The following ZSWIM5 variants were observed in gnomAD, a reference collection of about 807,000 sequenced individuals.
ZSWIM5 encodes zinc finger SWIM-type containing 5, also known as zinc finger SWIM domain-containing protein 5.
A neutral mutation model predicts 119.6 loss-of-function variants in ZSWIM5; 55 were observed. The observed-to-expected ratio is 0.46, with a 90% CI of 0.37 to 0.58. The LOEUF (loss-of-function observed/expected upper bound fraction) is 0.58. ZSWIM5 is among the 20% of genes least tolerant of loss of function. The probability of loss-of-function intolerance (pLI) is 0.00; values close to 1 mark genes in which losing one functional copy is unlikely to be tolerated. For missense variants in ZSWIM5, 1,193 were observed against 1,512.8 expected (o/e 0.79, Z 3.51); for synonymous variants, 537 against 606.9 (o/e 0.88, Z 1.69).
chr1:45,167,488 T>G lies in ZSWIM5; in HGVS notation c.595+38268A>C, dbSNP rs529783100. Among the ~76,000 whole-genome samples, 127 of 151,896 alleles carry G rather than the reference T, an allele frequency of 8.4e-4. 1 individual carries two copies. The highest frequency in any genetic ancestry group is 3.4e-3 in the Middle Eastern group (1 of 294). On this transcript the variant is annotated intron_variant, in intron 1 of 13. Transcript: ENST00000359600. ...ATTGACAAATGGGATCTAATTAAAC[T>G]AAAGAGCTTCTGCACAGCAAAAGAA...
chr1:45,166,578 T>C (rs953921212), intron 1 of ZSWIM5, among the ~76,000 whole-genome samples: 6 of 152,102 alleles, frequency 3.9e-5, no homozygotes, highest in African/African-American at 1.4e-4. Context: ...CACCCCATCA[T>C]CTCAGCCCAA....
At chr1:45,109,971 C>G (rs1645507080) in intron 1 of ZSWIM5, among the ~76,000 whole-genome samples, 1 of 152,078 alleles carries the variant, frequency 6.6e-6, no homozygotes, top group Non-Finnish European at 1.5e-5. Context: ...CTCAAGCGAT[C>G]CTCCCGCCTC....
At chr1:45,117,620 C>T (rs1645566311) in intron 1 of ZSWIM5, among the ~76,000 whole-genome samples, 2 of 152,106 alleles carry the variant, frequency 1.3e-5, no homozygotes, top group African/African-American at 4.8e-5. Flanking sequence ...TGCAGTGAGC[C>T]ATATTATGCC....
chr1:45,097,433 T>G (rs1445352829), intron 1 of ZSWIM5, among the ~76,000 whole-genome samples: 1 of 152,202 alleles, frequency 6.6e-6, no homozygotes, highest in African/African-American at 2.4e-5. Context: ...GAAAAAGCCT[T>G]AACATTTATG....
chr1:45,066,905 A>G (rs1190930113), intron 2 of ZSWIM5, among the ~76,000 whole-genome samples: 1 of 152,228 alleles, frequency 6.6e-6, no homozygotes, highest in African/African-American at 2.4e-5. Context: ...TAAAATTAAC[A>G]TATCTTGCAA....
chr1:45,038,719 G>A lies in ZSWIM5; in HGVS notation c.1894+217C>T, dbSNP rs370678416. The stretch of plus-strand genomic sequence containing the variant: ...TCTCCTGGGATCAAGTGATCCTACT[G>A]CCTCAGCCCCGAAGTAGCTGGGATT... On this transcript the variant is annotated intron_variant, in intron 8 of 13. Transcript: ENST00000359600. Among the ~76,000 whole-genome samples, 58 of 147,632 alleles carry A rather than the reference G, an allele frequency of 3.9e-4. 1 individual carries two copies. The highest frequency in any genetic ancestry group is 1.2e-3 in the African/African-American group (50 of 40,338).
At chr1:45,168,130 AATACT>A (rs1645919605) in intron 1 of ZSWIM5, among the ~76,000 whole-genome samples, 1 of 152,132 alleles carries the variant, frequency 6.6e-6, no homozygotes, top group African/African-American at 2.4e-5. Flanking sequence ...TACAGCATGG[AATACT>A]ATGCAGCCAT....
At chr1:45,101,348 T>A (rs904506263) in intron 1 of ZSWIM5, among the ~76,000 whole-genome samples, 1 of 152,118 alleles carries the variant, frequency 6.6e-6, no homozygotes, top group African/African-American at 2.4e-5. Flanking sequence ...TGAGATACCA[T>A]CTCACACCAG....
At chr1:45,162,381 C>T (rs1217388652) in intron 1 of ZSWIM5, among the ~76,000 whole-genome samples, 1 of 152,184 alleles carries the variant, frequency 6.6e-6, no homozygotes, top group African/African-American at 2.4e-5. Flanking sequence ...ATAGGAACAG[C>T]TCCAGTCTAC....
intron 1 of ZSWIM5, among the ~76,000 whole-genome samples, chr1:45,119,654 ACTTT>A (rs1038397289): frequency 2.3e-4 from 35 of 152,314 alleles, no homozygotes; most frequent in Admixed American, 7.8e-4. Flanking sequence ...AGAAACTCTG[ACTTT>A]CTTTCACTCA....
At chr1:45,031,443 C>G (rs968477716) in intron 11 of ZSWIM5, among the ~76,000 whole-genome samples, 2 of 151,738 alleles carry the variant, frequency 1.3e-5, no homozygotes, top group Admixed American at 1.3e-4. Flanking sequence ...CTTGGCCTCC[C>G]GAAGTGCTGG....
At chr1:45,041,808 G>A (rs1645019990) in intron 6 of ZSWIM5, among the ~76,000 whole-genome samples, 1 of 152,190 alleles carries the variant, frequency 6.6e-6, no homozygotes, top group African/African-American at 2.4e-5. Flanking sequence ...AATGTGCTGG[G>A]ATTACAGGCG....
intron 1 of ZSWIM5, among the ~76,000 whole-genome samples, chr1:45,145,606 A>T (rs1645755390): frequency 1.3e-5 from 2 of 148,382 alleles, no homozygotes; most frequent in South Asian, 2.1e-4. Flanking sequence ...TAACATTCTT[A>T]AAAAAAAACC....
chr1:45,195,177 C>T (rs917231819), intron 1 of ZSWIM5, among the ~76,000 whole-genome samples: 2 of 152,070 alleles, frequency 1.3e-5, no homozygotes, highest in African/African-American at 4.8e-5. Flanking sequence ...AACTGTGTGC[C>T]TCTTAAATAT....
chr1:45,090,594 TCAAAAAAA>T (rs1196116704), intron 1 of ZSWIM5, among the ~76,000 whole-genome samples: 1 of 150,334 alleles, frequency 6.7e-6, no homozygotes, highest in East Asian at 2.0e-4. Context: ...CTACAAAAAA[TCAAAAAAA>T]TTTGTGACCT....
At chr1:45,135,803 A>G (rs1645685861) in intron 1 of ZSWIM5, among the ~76,000 whole-genome samples, 1 of 152,146 alleles carries the variant, frequency 6.6e-6, no homozygotes. Flanking sequence ...CTAATGGTAG[A>G]AAATTTTCAG....
rs180943227 is a variant in ZSWIM5, at chr1:45,103,754, T to A, written c.596-15517A>T. ...CTGTACAAGAAAATGTATCAGGACA[T>A]GAGTGAATCATCTGCTTAGAGTTCT... On this transcript the variant is annotated intron_variant, in intron 1 of 13. Transcript: ENST00000359600. Among the ~76,000 whole-genome samples the A allele has an allele frequency of 1.2e-4, 18 of 152,352 alleles. No individual in the cohort carries two copies. The South Asian group carries it at 1.7e-3, about 14-fold the overall frequency.
At chr1:45,158,927 A>G (rs1645846998) in intron 1 of ZSWIM5, among the ~76,000 whole-genome samples, 1 of 152,180 alleles carries the variant, frequency 6.6e-6, no homozygotes, top group Non-Finnish European at 1.5e-5. Flanking sequence ...CTCAAATCAA[A>G]TGAAATTCAG....
chr1:45,078,157 G>C (rs978874805), intron 2 of ZSWIM5, among the ~76,000 whole-genome samples: 14 of 152,172 alleles, frequency 9.2e-5, no homozygotes, highest in Non-Finnish European at 1.9e-4. Flanking sequence ...TACAATTTAT[G>C]TTTAGAGATT....
Sources: allele counts gnomAD v4.1 joint callset (sites outside exome capture counted in the v4.1 genomes callset), GRCh38; gene constraint gnomAD v4.1.1; transcripts MANE v1.5; gene names NCBI Gene and HGNC (gene_info 2026-07-23, HGNC 2026-07-21).